Variants in BEAN1 observed in about 807,000 individuals in gnomAD.
BEAN1 encodes the protein protein BEAN1.
Under a neutral mutation model 17.7 loss-of-function variants are expected in BEAN1, and 17 were observed. The observed-to-expected ratio is 0.96, with a 90% CI of 0.66 to 1.44. The LOEUF (loss-of-function observed/expected upper bound fraction) is 1.44. BEAN1 is among the 40% of genes most tolerant of loss of function. BEAN1 has a pLI of 0.00. For synonymous variants in BEAN1, 142 were observed against 151.8 expected (o/e 0.94, Z 0.47); for missense variants, 359 against 374.1 (o/e 0.96, Z 0.33).
chr16:66,446,052 G>A lies in BEAN1; in HGVS notation c.25+8351G>A, dbSNP rs189978172. Among the ~76,000 whole-genome samples, 191 of 152,162 alleles carry A rather than the reference G, an allele frequency of 1.3e-3. 2 individuals carry two copies. Among genetic ancestry groups the A allele is most frequent in the African/African-American group, 4.3e-3 (177 of 41,512 alleles). ...ACAAAAATTAGCCAGGTGTGGTGGGGCACGCCTGTAATCCCAGCTACTCGG... is the reference window on the plus strand; with the variant it reads ...ACAAAAATTAGCCAGGTGTGGTGGGACACGCCTGTAATCCCAGCTACTCGG... On this transcript the variant is annotated intron_variant, in intron 2 of 4. Transcript: ENST00000536005.
chr16:66,438,280 A>G (rs1962110792), intron 2 of BEAN1, among the ~76,000 whole-genome samples: 1 of 152,076 alleles, frequency 6.6e-6, no homozygotes, highest in Non-Finnish European at 1.5e-5. Flanking sequence ...GCTACTCAGG[A>G]AGCTGAGGCA....
At position 66,481,330 on chromosome 16, in the gene BEAN1, T is replaced by G; in HGVS notation, c.*405T>G. 2.5e-6 allele frequency: 1 copy of G among 399,416 alleles called. No homozygotes were observed. The highest frequency in any genetic ancestry group is 4.4e-6 in the Non-Finnish European group (1 of 226,714). 24.7% of individuals were successfully genotyped at this position (399,416 alleles called of 1,614,324 possible). A position where few individuals can be genotyped will look rare whatever the true frequency, so the allele number is the denominator to read the frequency against. ...TTGCCCCTACCCTCGCCCAGCAAGC[T>G]GCGCCCAAATTCTATTCTGCCTCTG... On this transcript the variant is annotated 3_prime_UTR_variant, in exon 5 of 5. Coordinates refer to ENST00000536005, the MANE Select transcript of BEAN1 (RefSeq NM_001178020.3). The surrounding 1 kb of genome is among the most constrained non-coding windows in gnomAD (Gnocchi z 4.1).
Position 66,469,657 on chromosome 16 carries a change from G to C in BEAN1, c.81G>C (p.Glu27Asp). Residue 27 changes from glutamate (E) to aspartate (D), a missense_variant, in exon 3 of 5, where the codon GAG becomes GAC. By Grantham distance (45) the Glu-to-Asp change is conservative. Coordinates refer to ENST00000536005, the MANE Select transcript of BEAN1 (RefSeq NM_001178020.3). ...ACCCCACATTCTCAGAGAGCTCGGA[G>C]CACAGCCATCTGCTCGTGTCCCCCG... is the stretch of plus-strand genomic sequence containing the variant. Reference protein sequence around the residue: ...YFYPTFSESSEHSHLLVSPVL... With the variant: ...YFYPTFSESSDHSHLLVSPVL... 6.5e-7 allele frequency: 1 copy of C among 1,535,990 alleles called. No homozygotes were observed. Among genetic ancestry groups the C allele is most frequent in the Non-Finnish European group, 8.7e-7 (1 of 1,146,776 alleles).
intron 4 of BEAN1, among the ~76,000 whole-genome samples, chr16:66,490,031 G>A (rs2142486962): frequency 6.6e-6 from 1 of 151,822 alleles, no homozygotes; most frequent in Admixed American, 6.6e-5. Flanking sequence ...GTCCTTCCTG[G>A]CGACTGGAGA....
chr16:66,436,422 C>A (rs1962022088), intron 1 of BEAN1, among the ~76,000 whole-genome samples: 2 of 150,870 alleles, frequency 1.3e-5, no homozygotes, highest in African/African-American at 4.9e-5. Flanking sequence ...CGCCTGCCAC[C>A]ATGCCCGGCT....
At chr16:66,468,110 C>A (rs761898289) in intron 2 of BEAN1, among the ~76,000 whole-genome samples, 1 of 152,226 alleles carries the variant, frequency 6.6e-6, no homozygotes, top group East Asian at 1.9e-4. Flanking sequence ...GCCACCCACG[C>A]TCTCCTTGAT....
intron 2 of BEAN1, among the ~76,000 whole-genome samples, chr16:66,445,048 G>A (rs1251120141): frequency 3.3e-5 from 5 of 152,112 alleles, no homozygotes; most frequent in South Asian, 2.1e-4. Context: ...ATCTTTCTGG[G>A]TGCCAGGGTT....
In BEAN1 at chr16:66,469,586, C is replaced by G; in HGVS notation, c.26-16C>G. On this transcript the variant is annotated splice_polypyrimidine_tract_variant and intron_variant, in intron 2 of 4. Transcript: ENST00000536005. ...GGCCTGGGCTCCAGCTCAGTGTCCT[C>G]TCTCTCTGTCCACAGTAGCACGATA... is the stretch of plus-strand genomic sequence containing the variant. The G allele has an allele frequency of 6.5e-7, 1 of 1,532,330 alleles. No homozygotes were observed. Among genetic ancestry groups the G allele is most frequent in the African/African-American group, 1.4e-5 (1 of 73,112 alleles). 94.9% of individuals were successfully genotyped at this position (1,532,330 alleles called of 1,614,324 possible). A position where few individuals can be genotyped will look rare whatever the true frequency, so the allele number is the denominator to read the frequency against.
At chr16:66,494,623 AGGGCATAGAT>A (rs1186230751), downstream of BEAN1, among the ~76,000 whole-genome samples, 1 of 152,176 alleles carries the variant, frequency 6.6e-6, no homozygotes, top group Non-Finnish European at 1.5e-5. Context: ...GCAAATAAAG[AGGGCATAGAT>A]GTGTAGACAA....
In BEAN1 at chr16:66,480,927, G is replaced by A. The variant is rs1399938648; in HGVS notation, c.*2G>A. 1.4e-6 allele frequency: 2 copies of A among 1,442,802 alleles called. No homozygotes were observed. The highest frequency in any genetic ancestry group is 2.0e-4 in the Middle Eastern group (1 of 4,974). 89.4% of individuals were successfully genotyped at this position (1,442,802 alleles called of 1,614,324 possible). On this transcript the variant is annotated 3_prime_UTR_variant, in exon 5 of 5. Coordinates refer to ENST00000536005, the MANE Select transcript of BEAN1 (RefSeq NM_001178020.3). ...TCTGGCCCAGAGAGGATTGTGTGAG[G>A]GACCCAGCCAGCCGGGTCCTGCTGG...
chr16:66,469,858 C>G lies in BEAN1; in HGVS notation c.282C>G (p.His94Gln). 6.5e-7 allele frequency: 1 copy of G among 1,533,918 alleles called. No homozygotes were observed. The highest frequency in any genetic ancestry group is 1.2e-5 in the South Asian group (1 of 83,904). The change falls in exon 3 of 5, where the codon CAC becomes CAG. Residue 94 changes from histidine (H) to glutamine (Q), a missense_variant. His to Gln is a conservative substitution (Grantham distance 24). Transcript: ENST00000536005. ...GGCGTCGACACCGAGAGTACGAGCA[C>G]GGCTACGGTGAGCCGCCGCCCACCC... ...HRRRRHREYE[H>Q]GYVSDEHTYS...
At chr16:66,436,698 C>T (rs1205401437) in intron 1 of BEAN1, among the ~76,000 whole-genome samples, 1 of 151,946 alleles carries the variant, frequency 6.6e-6, no homozygotes, top group Non-Finnish European at 1.5e-5. Context: ...ATCACAGCCT[C>T]CCGAAATACT....
At chr16:66,472,836 A>C (rs1465608522) in intron 3 of BEAN1, among the ~76,000 whole-genome samples, 1 of 152,068 alleles carries the variant, frequency 6.6e-6, no homozygotes, top group Non-Finnish European at 1.5e-5. Flanking sequence ...CCTGGGCAAC[A>C]CAGCAAGACC....
intron 2 of BEAN1, among the ~76,000 whole-genome samples, chr16:66,439,563 TC>T (rs897960112): frequency 6.6e-6 from 1 of 152,088 alleles, no homozygotes; most frequent in Non-Finnish European, 1.5e-5. Flanking sequence ...ACAGAGGCCA[TC>T]CCTGCAGGGC....
intron 2 of BEAN1, chr16:66,437,903 G>A (rs1482338831): frequency 4.2e-6 from 3 of 706,968 alleles, no homozygotes; most frequent in Admixed American, 2.2e-5. Context: ...ACTGAAAATC[G>A]CACTTTGGCC....
chr16:66,479,713 G>A (rs1335573661), intron 4 of BEAN1, among the ~76,000 whole-genome samples: 2 of 152,120 alleles, frequency 1.3e-5, no homozygotes, highest in Non-Finnish European at 2.9e-5. Context: ...TCAGAGAAGT[G>A]GGGGGTCATG....
At chr16:66,477,781 C>T (rs1042748566) in intron 4 of BEAN1, 71 bp downstream of exon 4, 2 of 1,405,066 alleles carry the variant, frequency 1.4e-6, no homozygotes, top group South Asian at 1.5e-5. Context: ...CCAACTCCAT[C>T]ATGGGAAAGA....
At position 66,480,655 on chromosome 16, in the gene BEAN1, G is replaced by A. The variant is rs762543522; in HGVS notation, c.510G>A (p.Ser170=). ...CCACGGACGCACCACCACCCTACTC[G>A]CTGACTGATTCCTGCCCCACGCTGG... The part of the protein sequence containing the change: ...YVPTDAPPPY[S]LTDSCPTLDG... The change falls in exon 5 of 5, where the codon TCG becomes TCA. Residue 170 remains serine, a synonymous_variant. Transcript: ENST00000536005. 4.4e-5 allele frequency: 69 copies of A among 1,551,468 alleles called. 3 individuals carry two copies. Among genetic ancestry groups the A allele is most frequent in the South Asian group, 1.2e-5 (1 of 84,048 alleles).
downstream of BEAN1, chr16:66,482,970 C>A (rs1352179480): frequency 4.4e-6 from 2 of 450,658 alleles, no homozygotes; most frequent in Middle Eastern, 3.7e-4. Flanking sequence ...GATCCTCCCA[C>A]CTCAGCCTCC....
Sources: allele counts gnomAD v4.1 joint callset (sites outside exome capture counted in the v4.1 genomes callset), GRCh38; gene constraint gnomAD v4.1.1; non-coding constraint Gnocchi (gnomAD v3.1); transcripts MANE v1.5; gene names NCBI Gene and HGNC (gene_info 2026-07-23, HGNC 2026-07-21).